Variants in PRKN observed in about 807,000 individuals in gnomAD.
PRKN encodes the protein parkin RBR E3 ubiquitin protein ligase.
Under a neutral mutation model 59.5 loss-of-function variants are expected in PRKN, and 56 were observed. The ratio of observed to expected loss-of-function variants is 0.94; its 90% CI spans 0.76 to 1.18. The LOEUF is 1.18. PRKN is among the 50% of genes most tolerant of loss of function. The pLI is 0.00. For missense variants in PRKN, 657 were observed against 596.4 expected (o/e 1.10, Z -1.06); for synonymous variants, 250 against 222.1 (o/e 1.13, Z -1.12).
intron 7 of PRKN, among the ~76,000 whole-genome samples, chr6:161,613,133 C>T (rs1434127619): frequency 6.6e-6 from 1 of 152,162 alleles, no homozygotes; most frequent in Non-Finnish European, 1.5e-5. Flanking sequence ...TAAGAACATT[C>T]ATGATTTGTA....
chr6:161,584,807 G>A lies in PRKN; in HGVS notation c.872-15391C>T, dbSNP rs1343568083. 4.6e-5 allele frequency among the ~76,000 whole-genome samples: 7 copies of A among 152,116 alleles called. No individual in the cohort carries two copies. The highest frequency in any genetic ancestry group is 4.1e-4 in the South Asian group (2 of 4,820). ...TGAAAATGTGCTCAGTAACAATTGC[G>A]GGATGAGTCTCTGTGCAGCGATTTT... On this transcript the variant is annotated intron_variant, in intron 7 of 11. Transcript: ENST00000366898. This position sits in a 1 kb window ranked among gnomAD's most constrained non-coding sequence, Gnocchi z 4.8.
intron 9 of PRKN, among the ~76,000 whole-genome samples, chr6:161,509,213 TTA>T (rs756076953): frequency 3.3e-4 from 40 of 122,806 alleles, no homozygotes; most frequent in Admixed American, 2.3e-3. Flanking sequence ...TTTTTTTTTT[TTA>T]AATTAGAAGA....
intron 4 of PRKN, among the ~76,000 whole-genome samples, chr6:162,135,385 T>C (rs1386363544): frequency 6.6e-6 from 1 of 152,186 alleles, no homozygotes; most frequent in Non-Finnish European, 1.5e-5. Context: ...AAAGAAGTCA[T>C]TGAATATGGA....
chr6:161,374,872 C>T (rs1189130676), intron 10 of PRKN, among the ~76,000 whole-genome samples: 2 of 152,098 alleles, frequency 1.3e-5, no homozygotes, highest in Non-Finnish European at 2.9e-5. Context: ...CTTGCAAAGT[C>T]GGTTCAGAAT....
intron 2 of PRKN, among the ~76,000 whole-genome samples, chr6:162,390,037 G>A (rs371938336): frequency 2.0e-5 from 3 of 152,070 alleles, no homozygotes; most frequent in African/African-American, 7.2e-5. Context: ...ATGCTTGCAA[G>A]AATAGCAATG....
intron 5 of PRKN, among the ~76,000 whole-genome samples, chr6:162,035,034 TTC>T (rs1783786950): frequency 6.6e-6 from 1 of 152,178 alleles, no homozygotes. Context: ...CAGCACCTGC[TTC>T]TCTTAAGAGC....
intron 9 of PRKN, among the ~76,000 whole-genome samples, chr6:161,430,157 A>G (rs1788574293): frequency 6.6e-6 from 1 of 152,130 alleles, no homozygotes; most frequent in Non-Finnish European, 1.5e-5. Context: ...AGAGGGAGAC[A>G]TTGTCTTTGT....
At chr6:162,357,928 C>T (rs9458535) in intron 2 of PRKN, among the ~76,000 whole-genome samples, 7,433 of 152,158 alleles carry the variant, frequency 0.049, 577 homozygotes, top group African/African-American at 0.17. Context: ...GAGATGAGTA[C>T]GTGGAGTACA....
chr6:162,189,898 T>A (rs538866032), intron 4 of PRKN, among the ~76,000 whole-genome samples: 4 of 152,264 alleles, frequency 2.6e-5, no homozygotes, highest in Non-Finnish European at 5.9e-5. Flanking sequence ...GAGATACTAC[T>A]GCTAGCTTTA....
chr6:161,722,888 T>C (rs1195788534), intron 7 of PRKN, among the ~76,000 whole-genome samples: 3 of 152,178 alleles, frequency 2.0e-5, no homozygotes, highest in Non-Finnish European at 2.9e-5. Context: ...CTTTAAAGAT[T>C]TCCCTCTACT....
intron 4 of PRKN, among the ~76,000 whole-genome samples, chr6:162,176,937 T>TTC (rs1349234616): frequency 1.3e-5 from 2 of 151,694 alleles, no homozygotes; most frequent in Non-Finnish European, 2.9e-5. Flanking sequence ...TCCTTTTTTT[T>TTC]TTTTTTGGGA....
At position 161,530,051 on chromosome 6, in the gene PRKN, C is replaced by T. The variant is rs1324360361; in HGVS notation, c.1083+18803G>A. The stretch of plus-strand genomic sequence containing the variant: ...AGCATTTAAAAAAAAAACCCTCATT[C>T]ATTTCACACCACTCTGATGTTTTAG... On this transcript the variant is annotated intron_variant, in intron 9 of 11. Coordinates refer to ENST00000366898, the MANE Select transcript of PRKN (RefSeq NM_004562.3). The surrounding 1 kb of genome is among the most constrained non-coding windows in gnomAD (Gnocchi z 5.0). Among the ~76,000 whole-genome samples, 1 of 152,064 alleles carries T rather than the reference C, an allele frequency of 6.6e-6. No individual in the cohort carries two copies. Among genetic ancestry groups the T allele is most frequent in the Non-Finnish European group, 1.5e-5 (1 of 68,016 alleles).
Position 161,362,049 on chromosome 6 carries a change from C to T in PRKN, c.1168-1844G>A, listed in dbSNP as rs190877875. Among the ~76,000 whole-genome samples the T allele has an allele frequency of 5.0e-4, 76 of 152,230 alleles. 1 individual carries two copies. The highest frequency in any genetic ancestry group is 1.7e-3 in the African/African-American group (70 of 41,552). ...TTTTCAGGTCTAGGGCTCTGTAGCT[C>T]TGCAGCAATGGTTTAGATTGCTTGT... On this transcript the variant is annotated intron_variant, in intron 10 of 11. Transcript: ENST00000366898. This position sits in a 1 kb window ranked among gnomAD's most constrained non-coding sequence, Gnocchi z 5.2.
chr6:161,507,976 G>C (rs956851855), intron 9 of PRKN, among the ~76,000 whole-genome samples: 3 of 152,108 alleles, frequency 2.0e-5, no homozygotes, highest in African/African-American at 7.2e-5. Context: ...TGACACATGG[G>C]AATGCCTTTC....
chr6:161,939,275 G>A (rs1158534395), intron 6 of PRKN, among the ~76,000 whole-genome samples: 3 of 151,676 alleles, frequency 2.0e-5, no homozygotes, highest in South Asian at 2.1e-4. Context: ...AAAAATGGCC[G>A]GATGTGGTGG....
At chr6:161,931,042 C>T (rs1027412093) in intron 6 of PRKN, among the ~76,000 whole-genome samples, 1 of 152,262 alleles carries the variant, frequency 6.6e-6, no homozygotes, top group East Asian at 1.9e-4. Flanking sequence ...TATTTTTAGC[C>T]ACTACATTTG....
intron 6 of PRKN, among the ~76,000 whole-genome samples, chr6:161,900,863 A>G (rs1266892885): frequency 7.0e-6 from 1 of 142,832 alleles, no homozygotes; most frequent in Non-Finnish European, 1.5e-5. Flanking sequence ...TATATAATAT[A>G]TAATATACAA....
intron 4 of PRKN, among the ~76,000 whole-genome samples, chr6:162,066,454 G>A (rs12526005): frequency 0.16 from 23,885 of 152,132 alleles, 2,479 homozygotes; most frequent in East Asian, 0.55. Flanking sequence ...TAAAATTCAT[G>A]TGTTGGAAAC....
chr6:162,317,301 G>C (rs1782794846), intron 2 of PRKN, among the ~76,000 whole-genome samples: 1 of 152,038 alleles, frequency 6.6e-6, no homozygotes, highest in African/African-American at 2.4e-5. Flanking sequence ...TAGTGAATAA[G>C]TCTCAAGAGA....
Sources: gnomAD v4.1 joint callset for allele counts (sites outside exome capture counted in the v4.1 genomes callset) on GRCh38, gnomAD v4.1.1 for gene constraint, Gnocchi (gnomAD v3.1) non-coding constraint, MANE v1.5 for transcripts, NCBI Gene and HGNC (gene_info 2026-07-23, HGNC 2026-07-21) for gene names.